The following ELMOD3 variants were observed in gnomAD, a reference collection of about 807,000 sequenced individuals.
ELMOD3 encodes ELMO domain-containing protein 3.
In ELMOD3, 36 loss-of-function variants were observed where a neutral mutation model predicts 47.4. The ratio of observed to expected loss-of-function variants is 0.76; its 90% CI spans 0.58 to 1.00. The LOEUF is 1.00. Ranked by LOEUF, ELMOD3 falls within the 50% of genes least tolerant of loss-of-function variation. The pLI, the probability that ELMOD3 is intolerant of heterozygous loss-of-function variation, is 0.00. For missense variants in ELMOD3, 404 were observed against 463.8 expected (o/e 0.87, Z 1.18); for synonymous variants, 149 against 183.5 (o/e 0.81, Z 1.52).
intron 6 of ELMOD3, 183 bp from the exon 7 acceptor site, chr2:85,368,503 G>A: frequency 1.7e-6 from 1 of 595,266 alleles, no homozygotes; most frequent in East Asian, 2.8e-5. Context: ...CAAAAATCCT[G>A]TGCTGATCAA....
At chr2:85,379,638 A>G (rs1685413252) in intron 11 of ELMOD3, among the ~76,000 whole-genome samples, 2 of 152,190 alleles carry the variant, frequency 1.3e-5, no homozygotes, top group African/African-American at 4.8e-5. Context: ...TTGAAACATA[A>G]TTTTTCTTTC....
intron 8 of ELMOD3, among the ~76,000 whole-genome samples, chr2:85,370,318 C>T (rs1684701777): frequency 2.0e-5 from 3 of 151,452 alleles, no homozygotes; most frequent in Non-Finnish European, 4.4e-5. Context: ...AATACCAGCT[C>T]TTTCGGAGGA....
intron 11 of ELMOD3, among the ~76,000 whole-genome samples, chr2:85,385,831 G>C (rs752137039): frequency 5.9e-5 from 9 of 152,044 alleles, no homozygotes; most frequent in Non-Finnish European, 1.5e-5. Flanking sequence ...TTTCCAGTGA[G>C]GGCTTTTGTA....
chr2:85,371,302 G>A (rs777617403), intron 9 of ELMOD3, 93 bp downstream of exon 9: 6 of 1,606,590 alleles, frequency 3.7e-6, no homozygotes, highest in East Asian at 2.2e-5. Flanking sequence ...CAGGAATATT[G>A]CATGTACCAT....
intron 10 of ELMOD3, 141 bp from the exon 11 acceptor site, chr2:85,377,203 C>A: frequency 1.3e-6 from 1 of 746,456 alleles, no homozygotes; most frequent in Admixed American, 3.7e-5. Context: ...GAATGAGCCC[C>A]ACAAGTGTGG....
intron 4 of ELMOD3, among the ~76,000 whole-genome samples, chr2:85,361,798 G>T (rs1055076439): frequency 6.6e-6 from 1 of 152,124 alleles, no homozygotes; most frequent in Admixed American, 6.5e-5. Context: ...GGGCCTGGTG[G>T]CAGGCGCCTG....
intron 11 of ELMOD3, among the ~76,000 whole-genome samples, chr2:85,382,315 T>C (rs1201189646): frequency 1.4e-5 from 2 of 147,976 alleles, no homozygotes; most frequent in Non-Finnish European, 3.0e-5. Context: ...GGTGGGTGCC[T>C]GTAGTCCCAG....
chr2:85,362,411 G>C, intron 5 of ELMOD3, 151 bp downstream of exon 5: 1 of 610,810 alleles, frequency 1.6e-6, no homozygotes, highest in Non-Finnish European at 3.0e-6. Context: ...AGGGGAGGGT[G>C]TATGGAACAC....
chr2:85,371,115 T>C lies in ELMOD3; in HGVS notation c.390T>C (p.Thr130=), dbSNP rs1236278982. 6.2e-7 allele frequency: 1 copy of C among 1,614,226 alleles called. No homozygotes were observed. Among genetic ancestry groups the C allele is most frequent in the Admixed American group, 1.7e-5 (1 of 60,024 alleles). The change falls in exon 9 of 14, where the codon ACT becomes ACC. Residue 130 remains threonine (T), a synonymous_variant. Transcript: ENST00000409013. ...GAATCCAGCCAACTATTCGAAGGAC[T>C]GGGCTCGCCGCCCTCCGACACTACC... ...KKRIQPTIRR[T]GLAALRHYLF... is the part of the protein sequence containing the mutation.
intron 11 of ELMOD3, chr2:85,389,485 G>A (rs1558721431): frequency 7.6e-6 from 4 of 523,620 alleles, no homozygotes; most frequent in South Asian, 2.2e-5. Flanking sequence ...GAGCTAGCAC[G>A]GGGGTTATGC....
Position 85,390,185 on chromosome 2 carries a change from A to G in ELMOD3, c.863A>G (p.Tyr288Cys), listed in dbSNP as rs942223837. 7 of 1,614,100 alleles carry G rather than the reference A, an allele frequency of 4.3e-6. No homozygotes were observed. The highest frequency in any genetic ancestry group is 3.3e-5 in the Admixed American group (2 of 60,004). Residue 288 changes from tyrosine to cysteine, a missense_variant, in exon 13 of 14, where the codon TAT becomes TGT. By Grantham distance (194) the Tyr-to-Cys change is radical. Coordinates refer to ENST00000409013, the MANE Select transcript of ELMOD3 (RefSeq NM_001135022.2). ...QKVIPVVNSF[Y>C]AATFLHLAHV... The stretch of plus-strand genomic sequence containing the variant: ...GTCATCCCCGTGGTGAACAGCTTCT[A>G]TGCCGCCACATTCCTCCACCTCGCA...
chr2:85,357,332 A>G lies in ELMOD3; in HGVS notation c.54+80A>G, dbSNP rs1021909049. On this transcript the variant is annotated intron_variant, in intron 4 of 13. Transcript: ENST00000409013. ...AGTATAGTAAGAATATATTAAGAGA[A>G]TATTTGGAAAAATTTAGAAACCCTC... 63 of 948,446 alleles carry G rather than the reference A, an allele frequency of 6.6e-5. No homozygotes were observed. The South Asian group carries it at 1.1e-3, about 16-fold the overall frequency. The allele number at this position is 948,446 out of a possible 1,614,324, so 58.8% of individuals were successfully genotyped here. A position where few individuals can be genotyped will look rare whatever the true frequency, so the allele number is the denominator to read the frequency against.
Position 85,375,619 on chromosome 2 carries a change from C to T in ELMOD3, c.608-1725C>T, listed in dbSNP as rs79634832. Among the ~76,000 whole-genome samples the T allele has an allele frequency of 7.4e-3, 1,121 of 152,256 alleles. 17 individuals are homozygous for T. The highest frequency in any genetic ancestry group is 0.062 in the East Asian group (319 of 5,180). ...AAGTGTATTTGTTCATAATTGCTTA[C>T]CAAAGGCATTTTATGGTAGATCCTA... On this transcript the variant is annotated intron_variant, in intron 10 of 13. Coordinates refer to ENST00000409013, the MANE Select transcript of ELMOD3 (RefSeq NM_001135022.2).
intron 10 of ELMOD3, among the ~76,000 whole-genome samples, chr2:85,375,956 T>C (rs1685142980): frequency 6.6e-6 from 1 of 152,188 alleles, no homozygotes; most frequent in Non-Finnish European, 1.5e-5. Context: ...TCTTTTCCAC[T>C]TTTAAGGACC....
chr2:85,391,180 A>T lies in ELMOD3; in HGVS notation c.*218A>T, dbSNP rs1221283052. 2 of 558,202 alleles carry T rather than the reference A, an allele frequency of 3.6e-6. No homozygotes were observed. Among genetic ancestry groups the T allele is most frequent in the Non-Finnish European group, 6.4e-6 (2 of 310,760 alleles). The allele number at this position is 558,202 out of a possible 1,614,324, so 34.6% of individuals were successfully genotyped here. On this transcript the variant is annotated 3_prime_UTR_variant, in exon 14 of 14. Coordinates refer to ENST00000409013, the MANE Select transcript of ELMOD3 (RefSeq NM_001135022.2). The stretch of plus-strand genomic sequence containing the variant: ...CCCCTTCCCGCAGACCTGCCTCCAG[A>T]GCAAGGAGAATTCTGCCTTAATCTG...
chr2:85,385,703 TCTAGGTTTTACG>T (rs1368228626), intron 11 of ELMOD3, among the ~76,000 whole-genome samples: 1 of 151,816 alleles, frequency 6.6e-6, no homozygotes, highest in East Asian at 1.9e-4. Context: ...TGGAAAGGAC[TCTAGGTTTTACG>T]CTAGGTAAAA....
Position 85,368,701 on chromosome 2 carries a change from T to C in ELMOD3, c.215T>C (p.Val72Ala). The change falls in exon 7 of 14, where the codon GTG becomes GCG. Residue 72 changes from valine (V) to alanine (A), a missense_variant. By Grantham distance (64) the Val-to-Ala change is moderately conservative. Coordinates refer to ENST00000409013, the MANE Select transcript of ELMOD3 (RefSeq NM_001135022.2). ...EWEPRVVSTE[V>A]VRAQEEWEAV... Reference sequence around the variant, plus strand: ...ACTATTGCAGTTGTGAGTACAGAGGTGGTCAGAGCCCAAGAAGAATGGGAA... The same window carrying C: ...ACTATTGCAGTTGTGAGTACAGAGGCGGTCAGAGCCCAAGAAGAATGGGAA... 3 of 1,613,748 alleles carry C rather than the reference T, an allele frequency of 1.9e-6. No homozygotes were observed. The highest frequency in any genetic ancestry group is 2.5e-6 in the Non-Finnish European group (3 of 1,179,942).
At chr2:85,359,167 A>G (rs1475242276) in intron 4 of ELMOD3, among the ~76,000 whole-genome samples, 1 of 152,220 alleles carries the variant, frequency 6.6e-6, no homozygotes, top group Non-Finnish European at 1.5e-5. Context: ...GAATCACACT[A>G]TAAATGTAAA....
At chr2:85,382,112 TTC>T (rs1685590640) in intron 11 of ELMOD3, among the ~76,000 whole-genome samples, 1 of 72,220 alleles carries the variant, frequency 1.4e-5, no homozygotes. Flanking sequence ...GCAAGACTCC[TTC>T]TCAAAAAAAA....
Sources: gnomAD v4.1 joint callset for allele counts (sites outside exome capture counted in the v4.1 genomes callset) on GRCh38, gnomAD v4.1.1 for gene constraint, MANE v1.5 for transcripts, NCBI Gene and HGNC (gene_info 2026-07-23, HGNC 2026-07-21) for gene names.